The following CNGB3 variants were observed in gnomAD, a reference collection of about 807,000 sequenced individuals.
The protein encoded by CNGB3 is cyclic nucleotide gated channel subunit beta 3.
Under a neutral mutation model 92.8 loss-of-function variants are expected in CNGB3, and 86 were observed. The ratio of observed to expected loss-of-function variants is 0.93; its 90% CI spans 0.78 to 1.11. The LOEUF is 1.11. Ranked by LOEUF, CNGB3 falls within the 50% of genes least tolerant of loss-of-function variation. The pLI is 0.00. For synonymous variants in CNGB3, 333 were observed against 332.7 expected, an observed-to-expected ratio of 1.00 and a Z score of -0.01; for missense variants, 1,026 against 956.8, an observed-to-expected ratio of 1.07 and a Z score of -0.95.
At chr8:86,705,343 C>A (rs1824632964) in intron 3 of CNGB3, among the ~76,000 whole-genome samples, 1 of 152,048 alleles carries the variant, frequency 6.6e-6, no homozygotes, top group Non-Finnish European at 1.5e-5. Flanking sequence ...TTTAAATTCT[C>A]CAGAGCAAAT....
chr8:86,610,699 C>T (rs940583494), intron 14 of CNGB3, among the ~76,000 whole-genome samples: 1 of 152,120 alleles, frequency 6.6e-6, no homozygotes, highest in Admixed American at 6.5e-5. Flanking sequence ...ACTCATTTTT[C>T]TTTTTAAATT....
At chr8:86,742,477 A>C (rs1294533443) in intron 1 of CNGB3, among the ~76,000 whole-genome samples, 1 of 152,150 alleles carries the variant, frequency 6.6e-6, no homozygotes, top group Non-Finnish European at 1.5e-5. Flanking sequence ...GCCCATGTTA[A>C]ATAGTCTCAG....
chr8:86,576,044 A>C lies in CNGB3; in HGVS notation c.2190T>G (p.Asn730Lys), dbSNP rs1821654327. 1 of 1,593,958 alleles carries C rather than the reference A, an allele frequency of 6.3e-7. No individual in the cohort carries two copies. Among genetic ancestry groups the C allele is most frequent in the African/African-American group, 1.4e-5 (1 of 71,422 alleles). ...QKENEDKQKE[N>K]EDKGKENEDK... ...CTTCATTTTCTTTTCCTTTATCTTC[A>C]TTTTCTTTTTGTTTATCTTCATTTT... Residue 730 changes from asparagine (N) to lysine (K), a missense_variant, in exon 18 of 18, where the codon AAT becomes AAG. Asn to Lys is a moderately conservative substitution (Grantham distance 94, BLOSUM62 0). Transcript: ENST00000320005.
chr8:86,741,123 C>A (rs1169395419), intron 1 of CNGB3, among the ~76,000 whole-genome samples: 1 of 152,110 alleles, frequency 6.6e-6, no homozygotes, highest in Non-Finnish European at 1.5e-5. Flanking sequence ...CTTTAAAAAA[C>A]ACAACATACA....
At chr8:86,593,785 C>A in intron 15 of CNGB3, 1 of 1,331,132 alleles carries the variant, frequency 7.5e-7, no homozygotes, top group Non-Finnish European at 1.1e-6. Flanking sequence ...TATCAATGAG[C>A]CCCTGGTAGT....
intron 4 of CNGB3, 94 bp downstream of exon 4, chr8:86,670,850 G>A: frequency 1.5e-6 from 2 of 1,294,126 alleles, no homozygotes; most frequent in Non-Finnish European, 2.2e-6. Flanking sequence ...TTTTCTCAGG[G>A]TCTGCTTTTG....
chr8:86,661,935 C>G (rs1205025076), intron 6 of CNGB3: 6 of 687,986 alleles, frequency 8.7e-6, no homozygotes, highest in Non-Finnish European at 1.6e-5. Context: ...TCTCTAGGCA[C>G]GAGAAGAGGC....
At chr8:86,585,941 T>C (rs1328680079) in intron 15 of CNGB3, among the ~76,000 whole-genome samples, 1 of 152,182 alleles carries the variant, frequency 6.6e-6, no homozygotes, top group Non-Finnish European at 1.5e-5. Flanking sequence ...TCAGACATGA[T>C]CAATGGTATA....
At chr8:86,716,892 T>C (rs1824863622) in intron 3 of CNGB3, among the ~76,000 whole-genome samples, 1 of 152,164 alleles carries the variant, frequency 6.6e-6, no homozygotes, top group Non-Finnish European at 1.5e-5. Flanking sequence ...TGAATGTAAA[T>C]GGCCAAATGC....
intron 3 of CNGB3, among the ~76,000 whole-genome samples, chr8:86,710,316 C>T (rs1003480926): frequency 2.0e-5 from 3 of 152,144 alleles, no homozygotes; most frequent in African/African-American, 7.2e-5. Context: ...TTTTCTTTTT[C>T]AAATGACTCA....
chr8:86,722,400 T>C (rs1824987596), intron 3 of CNGB3, among the ~76,000 whole-genome samples: 1 of 152,112 alleles, frequency 6.6e-6, no homozygotes, highest in Admixed American at 6.6e-5. Context: ...TTTCAGAAGG[T>C]AAGTGTTTCA....
In CNGB3 at chr8:86,643,800, A is replaced by G. The variant is rs746899193; in HGVS notation, c.1129T>C (p.Tyr377His). ...NACVYYWASN[Y>H]EGIGTTRWVY... ...CATCTAGTAGTGCCAATTCCTTCATAGTTTGAAGCCCAGTAATAAACACAG... is the reference window on the plus strand; with the variant it reads ...CATCTAGTAGTGCCAATTCCTTCATGGTTTGAAGCCCAGTAATAAACACAG... Residue 377 changes from tyrosine (Y) to histidine (H), a missense_variant, in exon 10 of 18, where the codon TAT (tyrosine) becomes CAT (histidine). By Grantham distance (83) the Tyr-to-His change is moderately conservative. Transcript: ENST00000320005. 2.5e-6 allele frequency: 4 copies of G among 1,606,940 alleles called. No homozygotes were observed. Among genetic ancestry groups the G allele is most frequent in the African/African-American group, 1.3e-5 (1 of 74,114 alleles).
chr8:86,706,003 T>C (rs1824645074), intron 3 of CNGB3, among the ~76,000 whole-genome samples: 1 of 152,134 alleles, frequency 6.6e-6, no homozygotes, highest in South Asian at 2.1e-4. Flanking sequence ...AGAACTTTCT[T>C]TACTGAGGCC....
intron 11 of CNGB3, among the ~76,000 whole-genome samples, chr8:86,632,216 A>G (rs1022278960): frequency 1.7e-4 from 26 of 151,652 alleles, no homozygotes; most frequent in Non-Finnish European, 2.9e-4. Flanking sequence ...AAAAAAAAAA[A>G]AAAGGGCTCT....
At chr8:86,609,316 C>T (rs1822474869) in intron 14 of CNGB3, among the ~76,000 whole-genome samples, 1 of 152,178 alleles carries the variant, frequency 6.6e-6, no homozygotes, top group Non-Finnish European at 1.5e-5. Context: ...CCACTGCCCC[C>T]AAGGGGTTCT....
intron 3 of CNGB3, among the ~76,000 whole-genome samples, chr8:86,691,743 G>A (rs1824321049): frequency 1.3e-5 from 2 of 151,832 alleles, no homozygotes; most frequent in Non-Finnish European, 2.9e-5. Context: ...CTCTGACTTT[G>A]GTTATTTCTT....
chr8:86,629,146 G>T, intron 11 of CNGB3, 68 bp from the exon 12 acceptor site: 1 of 1,517,256 alleles, frequency 6.6e-7, no homozygotes, highest in Non-Finnish European at 9.2e-7. Flanking sequence ...CAAATTACAT[G>T]TTTTCCACAT....
intron 2 of CNGB3, among the ~76,000 whole-genome samples, chr8:86,727,008 T>A (rs1276083017): frequency 6.6e-6 from 1 of 152,192 alleles, no homozygotes; most frequent in East Asian, 1.9e-4. Context: ...CGGTATACTC[T>A]ATGGATCCTA....
chr8:86,615,891 C>T (rs1011236045), intron 13 of CNGB3, among the ~76,000 whole-genome samples: 1 of 152,020 alleles, frequency 6.6e-6, no homozygotes, highest in Non-Finnish European at 1.5e-5. Flanking sequence ...GATGAAACTT[C>T]AACTTTCATT....
Sources: allele counts gnomAD v4.1 joint callset (sites outside exome capture counted in the v4.1 genomes callset), GRCh38; gene constraint gnomAD v4.1.1; transcripts MANE v1.5; gene names NCBI Gene and HGNC (gene_info 2026-07-23, HGNC 2026-07-21).